The following APTX variants were observed in gnomAD, a reference collection of about 807,000 sequenced individuals.
APTX encodes the protein forkhead-associated domain histidine triad-like protein.
APTX carries 33 observed loss-of-function variants against 42.3 expected under a neutral mutation model. The observed-to-expected ratio is 0.78, with a 90% CI of 0.59 to 1.04. The LOEUF (loss-of-function observed/expected upper bound fraction) is 1.04. APTX is among the 50% of genes least tolerant of loss of function. The pLI, the probability that APTX is intolerant of heterozygous loss-of-function variation, is 0.00. For synonymous variants in APTX, 130 were observed against 146.7 expected (o/e 0.89, Z 0.82); for missense variants, 421 against 415.1 (o/e 1.01, Z -0.12).
At chr9:32,999,628 C>G (rs183757463) in intron 1 of APTX, among the ~76,000 whole-genome samples, 150 of 152,294 alleles carry the variant, frequency 9.8e-4, no homozygotes, top group African/African-American at 3.5e-3. Flanking sequence ...AAAGCAGAGG[C>G]AGAAATGTGA....
At chr9:33,009,261 T>C (rs529529729) in intron 1 of APTX, among the ~76,000 whole-genome samples, 2 of 151,516 alleles carry the variant, frequency 1.3e-5, no homozygotes, top group South Asian at 2.1e-4. Flanking sequence ...TGAAATTTCT[T>C]ATAAACATTA....
intron 1 of APTX, among the ~76,000 whole-genome samples, chr9:32,998,580 T>A (rs1406525625): frequency 2.0e-5 from 3 of 152,106 alleles, no homozygotes; most frequent in African/African-American, 7.2e-5. Flanking sequence ...GGGACATGGA[T>A]GAAGCTGGAA....
At chr9:33,019,772 A>G (rs1430238796) in intron 1 of APTX, 4 of 599,876 alleles carry the variant, frequency 6.7e-6, no homozygotes, top group Admixed American at 3.3e-5. Context: ...GAGAAAGTTG[A>G]TAAGGGAAAT....
At chr9:32,984,963 T>C (rs938375491) in intron 5 of APTX, 106 bp from the exon 6 acceptor site, 2 of 1,087,696 alleles carry the variant, frequency 1.8e-6, no homozygotes, top group Non-Finnish European at 2.8e-6. Flanking sequence ...CTTGTGCAAA[T>C]GGTTTTAATA....
At chr9:32,978,382 A>G (rs1010929176) in intron 6 of APTX, among the ~76,000 whole-genome samples, 4 of 152,138 alleles carry the variant, frequency 2.6e-5, no homozygotes, top group African/African-American at 9.7e-5. Flanking sequence ...TTAGAGTAAT[A>G]TTTTGGGGTT....
chr9:33,002,486 A>G (rs1230657326), upstream of APTX, among the ~76,000 whole-genome samples: 2 of 152,122 alleles, frequency 1.3e-5, no homozygotes, highest in Non-Finnish European at 2.9e-5. Context: ...TATCCCCCAG[A>G]TGATGTCTGA....
intron 1 of APTX, among the ~76,000 whole-genome samples, chr9:33,020,814 T>G (rs4358883): frequency 2.1e-4 from 32 of 152,310 alleles, no homozygotes; most frequent in African/African-American, 7.5e-4. Context: ...GCTACCTCTA[T>G]GAACACTTAC....
At chr9:33,015,744 C>T (rs1396456841) in intron 1 of APTX, 2 of 152,056 alleles carry the variant, frequency 1.3e-5, no homozygotes, top group Non-Finnish European at 2.9e-5. Context: ...TGCAAGAAAA[C>T]TTTTTTTTAA....
chr9:32,982,703 C>T lies in APTX; in HGVS notation c.770+1928G>A, dbSNP rs149336050. 5.4e-3 allele frequency among the ~76,000 whole-genome samples: 829 copies of T among 152,214 alleles called. 6 individuals carry two copies. The highest frequency in any genetic ancestry group is 0.019 in the African/African-American group (788 of 41,518). ...CTTGCTGTGAGCATTCTCCTTAGCA[C>T]GACAACATTCACTGTAGGAAAAAGG... On this transcript the variant is annotated intron_variant, in intron 6 of 7. Coordinates refer to ENST00000379817, the MANE Select transcript of APTX (RefSeq NM_001195248.2).
At chr9:33,011,003 CGTG>C (rs1358510815) in intron 1 of APTX, among the ~76,000 whole-genome samples, 2 of 151,710 alleles carry the variant, frequency 1.3e-5, no homozygotes, top group Non-Finnish European at 2.9e-5. Context: ...ATTAACAGAG[CGTG>C]GTGGTGCACG....
intron 1 of APTX, among the ~76,000 whole-genome samples, chr9:33,017,278 T>C (rs1336912525): frequency 6.6e-6 from 1 of 152,166 alleles, no homozygotes; most frequent in East Asian, 1.9e-4. Context: ...TGAATCGGGG[T>C]GTCTTCATCT....
At chr9:32,973,827 T>C in intron 7 of APTX, 175 bp from the exon 8 acceptor site, 1 of 798,718 alleles carries the variant, frequency 1.3e-6, no homozygotes, top group Non-Finnish European at 2.1e-6. Flanking sequence ...TTAATCAGAT[T>C]ATAAATATGA....
At chr9:33,000,487 G>T (rs2119108715) in intron 1 of APTX, among the ~76,000 whole-genome samples, 1 of 151,932 alleles carries the variant, frequency 6.6e-6, no homozygotes, top group African/African-American at 2.4e-5. Flanking sequence ...AATTAGCCAG[G>T]CGTCGTGGCA....
In APTX at chr9:32,973,635, G is replaced by A. The variant is rs1828583658; in HGVS notation, c.892C>T (p.Gln298Ter). ...CGGACAGTTACTCTACCAGCCTCTT[G>A]TACCATCTCGATCACAGCTGCAGGC... ...LESQAVIEMVQEAGRVTVRDG... is the reference protein window; with the variant it reads ...LESQAVIEMV The change falls in exon 8 of 8, where the codon CAA becomes TAA. Residue 298 changes from glutamine to a stop codon, truncating the protein, a stop_gained. Coordinates refer to ENST00000379817, the MANE Select transcript of APTX (RefSeq NM_001195248.2). LOFTEE classifies it high-confidence loss of function. 3.1e-6 allele frequency: 5 copies of A among 1,610,808 alleles called. No homozygotes were observed. The African/African-American group carries it at 4.1e-5, about 13-fold the overall frequency.
chr9:32,976,846 T>C (rs1157303850), intron 6 of APTX, among the ~76,000 whole-genome samples: 2 of 152,204 alleles, frequency 1.3e-5, no homozygotes, highest in Non-Finnish European at 2.9e-5. Context: ...TGATTACAGT[T>C]ACAGATGCAA....
At chr9:33,023,883 G>A (rs769402893) in intron 1 of APTX, among the ~76,000 whole-genome samples, 13 of 152,168 alleles carry the variant, frequency 8.5e-5, no homozygotes, top group Non-Finnish European at 1.8e-4. Context: ...CCTCACCTCC[G>A]GCTATTCTAG....
At chr9:32,996,138 T>C (rs1246108473) in intron 1 of APTX, among the ~76,000 whole-genome samples, 2 of 152,212 alleles carry the variant, frequency 1.3e-5, no homozygotes, top group Non-Finnish European at 2.9e-5. Context: ...AACATAACTT[T>C]TATATGCACT....
Position 32,986,795 on chromosome 9 carries a change from C to A in APTX, c.483+749G>T, listed in dbSNP as rs548284867. ...GGATTACAGGCGTGAGCCAGCACAC[C>A]CAGCTGTTTTTTATTATTGTTGTTG... is the stretch of plus-strand genomic sequence containing the variant. On this transcript the variant is annotated intron_variant, in intron 4 of 7. Coordinates refer to ENST00000379817, the MANE Select transcript of APTX (RefSeq NM_001195248.2). Among the ~76,000 whole-genome samples, 7 of 151,546 alleles carry A rather than the reference C, an allele frequency of 4.6e-5. No individual in the cohort carries two copies. The East Asian group carries it at 1.2e-3, about 25-fold the overall frequency.
At chr9:33,021,938 C>G (rs1277716632) in intron 1 of APTX, among the ~76,000 whole-genome samples, 1 of 140,852 alleles carries the variant, frequency 7.1e-6, no homozygotes, top group Non-Finnish European at 1.5e-5. Context: ...CCAGCCTGGG[C>G]AACACATCAA....
Sources: allele counts gnomAD v4.1 joint callset (sites outside exome capture counted in the v4.1 genomes callset), GRCh38; gene constraint gnomAD v4.1.1; transcripts MANE v1.5; gene names NCBI Gene and HGNC (gene_info 2026-07-23, HGNC 2026-07-21).